Variants in SLC28A3 observed in about 807,000 individuals in gnomAD.
The protein encoded by SLC28A3 is solute carrier family 28 member 3.
SLC28A3 carries 68 observed loss-of-function variants against 84.2 expected under a neutral mutation model. That is an observed-to-expected ratio of 0.81 (90% CI 0.66 to 0.99). SLC28A3 has a LOEUF of 0.99. Among genes scored for constraint, SLC28A3 ranks in the 50% least tolerant of loss-of-function variants. The pLI, the probability that SLC28A3 is intolerant of heterozygous loss-of-function variation, is 0.00. For synonymous variants in SLC28A3, 267 were observed against 303.6 expected, an observed-to-expected ratio of 0.88 and a Z score of 1.25; for missense variants, 712 against 841.5, an observed-to-expected ratio of 0.85 and a Z score of 1.90.
At chr9:84,293,856 A>G (rs1487308939) in intron 9 of SLC28A3, among the ~76,000 whole-genome samples, 2 of 152,226 alleles carry the variant, frequency 1.3e-5, no homozygotes, top group Non-Finnish European at 2.9e-5. Context: ...AAAAGAAAAA[A>G]AGATAAGCAC....
the SLC28A3 span, among the ~76,000 whole-genome samples, chr9:84,349,990 T>C: frequency 1.3e-5 from 2 of 152,238 alleles, no homozygotes; most frequent in Non-Finnish European, 2.9e-5. Flanking sequence ...ATCCAGATGG[T>C]ATAGCCTAAA....
Position 84,297,207 on chromosome 9 carries a change from A to T in SLC28A3, c.861+14T>A. ...AAATAGCAGCGACTACATAGAAAAA[A>T]GGTTTGACTTTACCTTAAATGCAAA... On this transcript the variant is annotated intron_variant, in intron 8 of 17. Transcript: ENST00000376238. The T allele has an allele frequency of 6.2e-7, 1 of 1,602,354 alleles. No individual in the cohort carries two copies. Among genetic ancestry groups the T allele is most frequent in the Non-Finnish European group, 8.5e-7 (1 of 1,175,210 alleles).
intron 17 of SLC28A3, among the ~76,000 whole-genome samples, chr9:84,278,691 T>C (rs1824615638): frequency 6.6e-6 from 1 of 152,184 alleles, no homozygotes; most frequent in Non-Finnish European, 1.5e-5. Context: ...TGGTAGTTTC[T>C]TGTTCACCAT....
At chr9:84,301,369 A>AAAAAAGAAAAAAAAAAAG (rs1554725713) in intron 5 of SLC28A3, among the ~76,000 whole-genome samples, 1 of 132,410 alleles carries the variant, frequency 7.6e-6, no homozygotes, top group Non-Finnish European at 1.5e-5. Context: ...AAAAAAAAAA[A>AAAAAAGAAAAAAAAAAAG]AAAAAGAAAA....
At position 84,299,679 on chromosome 9, in the gene SLC28A3, AG is replaced by A. The variant is rs777997270; in HGVS notation, c.570del (p.Phe191LeufsTer18). 8 of 1,612,658 alleles carry A rather than the reference AG, an allele frequency of 5.0e-6. No homozygotes were observed. In the South Asian group the frequency reaches 8.8e-5, roughly 18 times the overall value. On this transcript the variant is annotated frameshift_variant, in exon 6 of 18. Coordinates refer to ENST00000376238, the MANE Select transcript of SLC28A3 (RefSeq NM_001199633.2). LOFTEE classifies it high-confidence loss of function. ...TGTTGACCCAATTTGGCAGTGTCAAAGGCCAACCAGAAAATAACTGCTAGGA... is the reference window on the plus strand; with the variant it reads ...TGTTGACCCAATTTGGCAGTGTCAAAGCCAACCAGAAAATAACTGCTAGGA... ...SLVLAVIFWLAFDTAKLGQQQ... is the reference protein window; with the variant it reads ...SLVLAVIFWLXFDTAKLGQQQ...
chr9:84,310,875 A>C lies in SLC28A3; in HGVS notation c.157-1161T>G, dbSNP rs189185840. Among the ~76,000 whole-genome samples the C allele has an allele frequency of 1.1e-4, 16 of 152,330 alleles. No homozygotes were observed. The East Asian group carries it at 2.5e-3, about 24-fold the overall frequency. On this transcript the variant is annotated intron_variant, in intron 2 of 17. Coordinates refer to ENST00000376238, the MANE Select transcript of SLC28A3 (RefSeq NM_001199633.2). Reference sequence around the variant, plus strand: ...TCAATGTTTGGTAAATATTTGATTTAAATGGTCATCATTATTATTTTCTTG... The same window carrying C: ...TCAATGTTTGGTAAATATTTGATTTCAATGGTCATCATTATTATTTTCTTG...
chr9:84,339,716 T>C (rs1304272324), intron 1 of SLC28A3, among the ~76,000 whole-genome samples: 2 of 152,156 alleles, frequency 1.3e-5, no homozygotes, highest in East Asian at 1.9e-4. Flanking sequence ...TGCCTACTCA[T>C]GGAGATGGGC....
chr9:84,343,759 A>G (rs746198813), upstream of SLC28A3, among the ~76,000 whole-genome samples: 1 of 152,240 alleles, frequency 6.6e-6, no homozygotes, highest in Non-Finnish European at 1.5e-5. Context: ...ATCATCCCAT[A>G]AGGACAGAAT....
At chr9:84,363,720 C>T in the SLC28A3 span, among the ~76,000 whole-genome samples, 2 of 152,098 alleles carry the variant, frequency 1.3e-5, no homozygotes, top group Non-Finnish European at 2.9e-5. Context: ...TACCCATGTC[C>T]CACTGTGTTT....
chr9:84,306,288 A>G (rs763928077), intron 3 of SLC28A3, among the ~76,000 whole-genome samples: 1 of 152,078 alleles, frequency 6.6e-6, no homozygotes, highest in African/African-American at 2.4e-5. Context: ...CAGGACCTCA[A>G]AGGATGTGGC....
chr9:84,361,748 GA>G, the SLC28A3 span, among the ~76,000 whole-genome samples: 123 of 142,878 alleles, frequency 8.6e-4, no homozygotes, highest in Middle Eastern at 3.6e-3. Context: ...TTCAGCTGTG[GA>G]AAAAAAAAAA....
In SLC28A3 at chr9:84,290,148, T is replaced by A. The variant is rs1825153566; in HGVS notation, c.1149+6A>T. 1 of 1,612,974 alleles carries A rather than the reference T, an allele frequency of 6.2e-7. No individual in the cohort carries two copies. Among genetic ancestry groups the A allele is most frequent in the South Asian group, 1.1e-5 (1 of 90,950 alleles). ...TGGTGTTTTCATAATTCCAAAACAT[T>A]CTTACCCCAAAAGAAATGTATGCAC... On this transcript the variant is annotated splice_donor_region_variant and intron_variant, in intron 11 of 17. Coordinates refer to ENST00000376238, the MANE Select transcript of SLC28A3 (RefSeq NM_001199633.2).
intron 15 of SLC28A3, among the ~76,000 whole-genome samples, chr9:84,280,519 G>A (rs1167434739): frequency 6.6e-6 from 1 of 152,180 alleles, no homozygotes; most frequent in Non-Finnish European, 1.5e-5. Flanking sequence ...TTCTCCAGGT[G>A]CCCATCATAA....
intron 14 of SLC28A3, among the ~76,000 whole-genome samples, chr9:84,284,926 A>G (rs1190308455): frequency 2.6e-5 from 4 of 152,186 alleles, no homozygotes; most frequent in African/African-American, 9.7e-5. Context: ...TCAAAGGGAG[A>G]GTGCTTTAAG....
chr9:84,284,388 C>T (rs1564145657), intron 14 of SLC28A3, among the ~76,000 whole-genome samples: 1 of 152,146 alleles, frequency 6.6e-6, no homozygotes, highest in Non-Finnish European at 1.5e-5. Context: ...CAGGAGTGGG[C>T]TGTTATATTG....
At chr9:84,325,794 T>G (rs1826526650) in intron 1 of SLC28A3, among the ~76,000 whole-genome samples, 2 of 152,360 alleles carry the variant, frequency 1.3e-5, no homozygotes, top group South Asian at 4.1e-4. Context: ...TTCTGAACAC[T>G]GACCGGTGAC....
rs747601928 is a variant in SLC28A3, at chr9:84,278,320, T to C, written c.1974A>G (p.Glu658=). ...LSSTVAKGPG[E]VIPGGNHSLY... ...GACTGTGGTTTCCTCCTGGGATGAC[T>C]TCACCAGGACCCTTGGCAACAGTGC... The change falls in exon 18 of 18, where the codon GAA becomes GAG. Residue 658 remains glutamate (E), a synonymous_variant. Coordinates refer to ENST00000376238, the MANE Select transcript of SLC28A3 (RefSeq NM_001199633.2). The C allele has an allele frequency of 6.2e-7, 1 of 1,614,090 alleles. No individual in the cohort carries two copies. Among genetic ancestry groups the C allele is most frequent in the East Asian group, 2.2e-5 (1 of 44,878 alleles).
the SLC28A3 span, among the ~76,000 whole-genome samples, chr9:84,353,319 T>C: frequency 6.6e-5 from 10 of 152,208 alleles, no homozygotes; most frequent in African/African-American, 2.4e-4. Context: ...TGAGGTGTCT[T>C]GGCTCTTAAA....
chr9:84,283,866 G>A (rs953442756), intron 14 of SLC28A3, among the ~76,000 whole-genome samples: 3 of 152,160 alleles, frequency 2.0e-5, no homozygotes, highest in African/African-American at 7.2e-5. Context: ...TCTAGGTTGT[G>A]AGCAAAAATT....
Sources: allele counts gnomAD v4.1 joint callset (sites outside exome capture counted in the v4.1 genomes callset), GRCh38; gene constraint gnomAD v4.1.1; transcripts MANE v1.5; gene names NCBI Gene and HGNC (gene_info 2026-07-23, HGNC 2026-07-21).